The following VPS53 variants were observed in gnomAD, a reference collection of about 807,000 sequenced individuals.
The protein encoded by VPS53 is VPS53 subunit of GARP complex.
In VPS53, 70 loss-of-function variants were observed where a neutral mutation model predicts 107.0. The ratio of observed to expected loss-of-function variants is 0.65; its 90% CI spans 0.54 to 0.80. The LOEUF (loss-of-function observed/expected upper bound fraction) is 0.80, where lower values mean the gene tolerates loss of function less well. Among genes scored for constraint, VPS53 ranks in the 30% least tolerant of loss-of-function variants. VPS53 has a pLI of 0.00. For synonymous variants in VPS53, 409 were observed against 393.3 expected, an observed-to-expected ratio of 1.04 and a Z score of -0.47; for missense variants, 917 against 1,049.4, an observed-to-expected ratio of 0.87 and a Z score of 1.74.
At chr17:610,532 T>C (rs1029840541) in intron 11 of VPS53, among the ~76,000 whole-genome samples, 1 of 151,872 alleles carries the variant, frequency 6.6e-6, no homozygotes, top group African/African-American at 2.4e-5. Context: ...AAAACGGAAA[T>C]CCTGTGAAAT....
intron 4 of VPS53, among the ~76,000 whole-genome samples, chr17:671,457 T>C (rs1169040109): frequency 6.6e-6 from 1 of 152,200 alleles, no homozygotes; most frequent in Non-Finnish European, 1.5e-5. Context: ...ATTCAAACCT[T>C]GGCTCTGCCA....
At chr17:659,830 C>T (rs2143579988) in intron 5 of VPS53, among the ~76,000 whole-genome samples, 1 of 152,324 alleles carries the variant, frequency 6.6e-6, no homozygotes, top group East Asian at 1.9e-4. Flanking sequence ...GCCCTCACTG[C>T]TCTGCACTGG....
intron 1 of VPS53, among the ~76,000 whole-genome samples, chr17:712,899 G>A (rs1182975148): frequency 2.6e-5 from 4 of 152,160 alleles, no homozygotes; most frequent in Non-Finnish European, 5.9e-5. Context: ...AGTCCAAAGA[G>A]CAACAGAAAT....
chr17:674,132 A>G (rs1364788136), intron 4 of VPS53: 2 of 152,350 alleles, frequency 1.3e-5, no homozygotes, highest in East Asian at 3.9e-4. Flanking sequence ...CCAAGTGGCA[A>G]AAGACAAGGA....
chr17:565,976 G>A (rs1002662802), intron 13 of VPS53, among the ~76,000 whole-genome samples: 3 of 152,072 alleles, frequency 2.0e-5, no homozygotes, highest in African/African-American at 7.2e-5. Context: ...GGCCGAGGCG[G>A]GCGGATCACG....
chr17:608,606 TCTTTTC>T (rs1161500265), intron 11 of VPS53, among the ~76,000 whole-genome samples: 1 of 147,136 alleles, frequency 6.8e-6, no homozygotes, highest in Non-Finnish European at 1.5e-5. Flanking sequence ...TCTGCTTTTT[TCTTTTC>T]TTTTCTTTTC....
chr17:550,856 G>T (rs1028837441), intron 17 of VPS53, among the ~76,000 whole-genome samples: 2 of 151,624 alleles, frequency 1.3e-5, no homozygotes, highest in African/African-American at 4.9e-5. Context: ...CTGACTGATG[G>T]GCCACCACGA....
At chr17:689,727 G>A (rs1427275926) in intron 4 of VPS53, among the ~76,000 whole-genome samples, 4 of 151,974 alleles carry the variant, frequency 2.6e-5, no homozygotes, top group South Asian at 2.1e-4. Flanking sequence ...GCCCACCTCC[G>A]CCTCCCAAAG....
chr17:634,375 T>A (rs529557572), intron 7 of VPS53, among the ~76,000 whole-genome samples: 1 of 152,340 alleles, frequency 6.6e-6, no homozygotes, highest in African/African-American at 2.4e-5. Context: ...TTTTTTTACA[T>A]TAAATTATTA....
At chr17:535,546 G>C (rs1012610553) in intron 18 of VPS53, among the ~76,000 whole-genome samples, 3 of 152,192 alleles carry the variant, frequency 2.0e-5, no homozygotes, top group Non-Finnish European at 4.4e-5. Context: ...GCTGGGACTG[G>C]CTAAGTCAAC....
At chr17:617,273 A>G (rs1969183959) in intron 11 of VPS53, among the ~76,000 whole-genome samples, 1 of 152,178 alleles carries the variant, frequency 6.6e-6, no homozygotes, top group East Asian at 1.9e-4. Flanking sequence ...GCTTGAAACC[A>G]GGCAGGAGCA....
intron 9 of VPS53, 54 bp from the exon 10 acceptor site, chr17:627,370 G>A: frequency 6.4e-7 from 1 of 1,558,374 alleles, no homozygotes; most frequent in Non-Finnish European, 8.7e-7. Context: ...AGAAATGGCA[G>A]TTCAAGGAAA....
rs757106984 is a variant in VPS53 at position 511,448 on chromosome 17, C to T, written c.*7680G>A. ...TCCATTTGATGACTGAGCAGAAGCT[C>T]CCAGAACCCTCGGATGAAGTGAGCA... On this transcript the variant is annotated 3_prime_UTR_variant, in exon 22 of 22. Coordinates refer to ENST00000437048, the MANE Select transcript of VPS53 (RefSeq NM_001128159.3). 6.6e-5 allele frequency: 10 copies of T among 152,162 alleles called. No homozygotes were observed. The highest frequency in any genetic ancestry group is 2.0e-4 in the Admixed American group (3 of 15,282). 9.4% of individuals were successfully genotyped at this position (152,162 alleles called of 1,614,324 possible).
intron 7 of VPS53, among the ~76,000 whole-genome samples, chr17:642,446 C>G (rs544137853): frequency 9.9e-5 from 15 of 151,238 alleles, no homozygotes; most frequent in African/African-American, 3.6e-4. Flanking sequence ...AACACTCATA[C>G]TTGGCAACTG....
chr17:634,564 G>T lies in VPS53; in HGVS notation c.609-2936C>A, dbSNP rs1175751359. Among the ~76,000 whole-genome samples, 160 of 105,276 alleles carry T rather than the reference G, an allele frequency of 1.5e-3. 1 individual carries two copies. Among genetic ancestry groups the T allele is most frequent in the African/African-American group, 6.2e-3 (156 of 25,218 alleles). The allele number at this position is 105,276 out of a possible 152,430, so 69.1% of individuals were successfully genotyped here. A position where few individuals can be genotyped will look rare whatever the true frequency, so the allele number is the denominator to read the frequency against. On this transcript the variant is annotated intron_variant, in intron 7 of 21. Coordinates refer to ENST00000437048, the MANE Select transcript of VPS53 (RefSeq NM_001128159.3). ...TCCCCCCTCCCCCCACCCCACAACA[G>T]GCCCCGGTGTGTGATGTTCCCCTTC...
chr17:614,725 G>A (rs1471951093), intron 11 of VPS53, among the ~76,000 whole-genome samples: 1 of 152,182 alleles, frequency 6.6e-6, no homozygotes, highest in Non-Finnish European at 1.5e-5. Flanking sequence ...TCTTTCATGA[G>A]TCGTGAGCCT....
rs191847776 is a variant in VPS53, at chr17:651,364, T to C, written c.608+1927A>G. 1.8e-3 allele frequency among the ~76,000 whole-genome samples: 279 copies of C among 152,346 alleles called. 1 individual carries two copies. The highest frequency in any genetic ancestry group is 6.4e-3 in the African/African-American group (268 of 41,582). ...AACCAGGTGCAGTGGCTCACGCCTGTAACCCCGATGCACTGGGAGCCCAAG... is the reference window on the plus strand; with the variant it reads ...AACCAGGTGCAGTGGCTCACGCCTGCAACCCCGATGCACTGGGAGCCCAAG... On this transcript the variant is annotated intron_variant, in intron 7 of 21. Coordinates refer to ENST00000437048, the MANE Select transcript of VPS53 (RefSeq NM_001128159.3).
chr17:632,226 T>C (rs1216819439), intron 7 of VPS53, among the ~76,000 whole-genome samples: 1 of 152,082 alleles, frequency 6.6e-6, no homozygotes, highest in Non-Finnish European at 1.5e-5. Context: ...CCAGCCTGGG[T>C]GACAGAGGGA....
At chr17:678,731 C>T (rs1006217743) in intron 4 of VPS53, among the ~76,000 whole-genome samples, 2 of 151,862 alleles carry the variant, frequency 1.3e-5, no homozygotes, top group African/African-American at 2.4e-5. Context: ...CTCCACCCCC[C>T]GGGTTCACGC....
Sources: allele counts gnomAD v4.1 joint callset (sites outside exome capture counted in the v4.1 genomes callset), GRCh38; gene constraint gnomAD v4.1.1; transcripts MANE v1.5; gene names NCBI Gene and HGNC (gene_info 2026-07-23, HGNC 2026-07-21).